CDH12: variants seen among roughly 807,000 people sequenced by gnomAD.
CDH12 encodes the protein cadherin-12.
CDH12 carries 41 observed loss-of-function variants against 74.1 expected under a neutral mutation model. The observed-to-expected ratio is 0.55, with a 90% CI of 0.43 to 0.72. The LOEUF is 0.72. Among genes scored for constraint, CDH12 ranks in the 30% least tolerant of loss-of-function variants. The pLI is 0.00. For missense variants in CDH12, 945 were observed against 977.2 expected (o/e 0.97, Z 0.44); for synonymous variants, 399 against 355.0 (o/e 1.12, Z -1.39).
At chr5:22,042,915 C>T (rs917904824) in intron 5 of CDH12, among the ~76,000 whole-genome samples, 23 of 128,622 alleles carry the variant, frequency 1.8e-4, no homozygotes, top group East Asian at 4.3e-4. Flanking sequence ...AAAAAAAATT[C>T]ATAATAGACC....
intron 1 of CDH12, among the ~76,000 whole-genome samples, chr5:22,574,825 G>A (rs996638536): frequency 1.3e-5 from 2 of 151,910 alleles, no homozygotes; most frequent in African/African-American, 4.8e-5. Context: ...CCAGAAACAC[G>A]AGCCCTAGAA....
chr5:22,019,088 A>G (rs1022482918), intron 5 of CDH12, among the ~76,000 whole-genome samples: 28 of 151,884 alleles, frequency 1.8e-4, no homozygotes, highest in African/African-American at 6.5e-4. Context: ...AAAGAAGGAA[A>G]TATTTCAATG....
At chr5:22,771,526 A>G (rs187458504) in intron 1 of CDH12, among the ~76,000 whole-genome samples, 208 of 152,064 alleles carry the variant, frequency 1.4e-3, no homozygotes, top group African/African-American at 4.9e-3. Context: ...TCAATGTACA[A>G]TTTTTTATTA....
chr5:22,529,013 A>ATG (rs1188127395), intron 1 of CDH12, among the ~76,000 whole-genome samples: 1 of 151,870 alleles, frequency 6.6e-6, no homozygotes, highest in Non-Finnish European at 1.5e-5. Context: ...AACCAATAGA[A>ATG]TGTGTGTCTG....
At chr5:22,177,114 G>A (rs577047169) in intron 4 of CDH12, among the ~76,000 whole-genome samples, 1 of 152,192 alleles carries the variant, frequency 6.6e-6, no homozygotes, top group Non-Finnish European at 1.5e-5. Context: ...ATTATAAATG[G>A]CATGAAACAG....
intron 5 of CDH12, among the ~76,000 whole-genome samples, chr5:22,044,831 A>G (rs1302129844): frequency 7.9e-5 from 12 of 152,208 alleles, no homozygotes; most frequent in Admixed American, 7.9e-4. Context: ...TAAGGTTTGA[A>G]ACTATGAAAC....
chr5:22,191,603 C>T (rs1750295268), intron 4 of CDH12, among the ~76,000 whole-genome samples: 2 of 99,740 alleles, frequency 2.0e-5, no homozygotes, highest in South Asian at 3.8e-4. Flanking sequence ...CTCGCTCTGT[C>T]GCCCAGGCTG....
chr5:22,468,251 C>A (rs750391489), intron 2 of CDH12, among the ~76,000 whole-genome samples: 14 of 152,178 alleles, frequency 9.2e-5, no homozygotes, highest in Non-Finnish European at 1.8e-4. Flanking sequence ...CACCATATAA[C>A]CATCCTTACA....
intron 1 of CDH12, among the ~76,000 whole-genome samples, chr5:22,678,075 T>G (rs1158724104): frequency 6.6e-6 from 1 of 150,550 alleles, no homozygotes; most frequent in African/African-American, 2.4e-5. Context: ...TAATGTAAAA[T>G]TTTGGGAAAG....
intron 1 of CDH12, among the ~76,000 whole-genome samples, chr5:22,703,209 A>G (rs1457127434): frequency 1.3e-5 from 2 of 152,190 alleles, no homozygotes; most frequent in Admixed American, 6.5e-5. Flanking sequence ...TCTTTGTGCT[A>G]TAAAACAATA....
At chr5:22,144,866 G>T (rs1474185793) in intron 4 of CDH12, among the ~76,000 whole-genome samples, 1 of 152,026 alleles carries the variant, frequency 6.6e-6, no homozygotes, top group Non-Finnish European at 1.5e-5. Flanking sequence ...TACGCATGTT[G>T]TAAAATTTTA....
intron 1 of CDH12, among the ~76,000 whole-genome samples, chr5:22,817,613 T>C (rs1311442873): frequency 1.3e-5 from 2 of 152,176 alleles, no homozygotes; most frequent in African/African-American, 4.8e-5. Context: ...CTGATTTATC[T>C]TTGACTCTAT....
intron 3 of CDH12, among the ~76,000 whole-genome samples, chr5:22,299,036 T>G (rs1163168121): frequency 6.6e-6 from 1 of 152,196 alleles, no homozygotes; most frequent in Non-Finnish European, 1.5e-5. Flanking sequence ...ATGGAAACCT[T>G]AATCAGGCTG....
chr5:22,806,043 T>A (rs1410798365), intron 1 of CDH12, among the ~76,000 whole-genome samples: 2 of 152,214 alleles, frequency 1.3e-5, no homozygotes, highest in African/African-American at 4.8e-5. Context: ...CACATTTTCT[T>A]TATCCAGTCT....
At chr5:22,696,213 A>G (rs1742349976) in intron 1 of CDH12, among the ~76,000 whole-genome samples, 1 of 151,966 alleles carries the variant, frequency 6.6e-6, no homozygotes, top group Non-Finnish European at 1.5e-5. Flanking sequence ...ACTGAAAAAT[A>G]CAAAAAAATT....
chr5:21,859,411 G>A (rs1460369448), intron 6 of CDH12, among the ~76,000 whole-genome samples: 3 of 151,768 alleles, frequency 2.0e-5, no homozygotes, highest in African/African-American at 7.3e-5. Context: ...GAACAGCATG[G>A]GGGAAACCGC....
intron 1 of CDH12, among the ~76,000 whole-genome samples, chr5:22,775,448 T>G (rs1211080923): frequency 6.6e-6 from 1 of 152,070 alleles, no homozygotes. Context: ...GGTAACAAAC[T>G]AAAATTTATC....
At chr5:22,215,756 A>C (rs947402160) in intron 3 of CDH12, among the ~76,000 whole-genome samples, 17 of 152,090 alleles carry the variant, frequency 1.1e-4, no homozygotes, top group Non-Finnish European at 2.1e-4. Context: ...TTTATCTCTG[A>C]TTTGTTCATG....
At chr5:22,300,870 A>T (rs2150419606) in intron 3 of CDH12, among the ~76,000 whole-genome samples, 1 of 152,346 alleles carries the variant, frequency 6.6e-6, no homozygotes, top group African/African-American at 2.4e-5. Context: ...TCAAAGGTTA[A>T]AACTATTTTC....
Sources: gnomAD v4.1 joint callset for allele counts (sites outside exome capture counted in the v4.1 genomes callset) on GRCh38, gnomAD v4.1.1 for gene constraint, MANE v1.5 for transcripts, NCBI Gene and HGNC (gene_info 2026-07-23, HGNC 2026-07-21) for gene names.